FOXO3: variants seen among roughly 807,000 people sequenced by gnomAD.
The protein encoded by FOXO3 is forkhead box protein O3.
FOXO3 carries 4 observed loss-of-function variants against 41.9 expected under a neutral mutation model. The ratio of observed to expected loss-of-function variants is 0.10; its 90% CI spans 0.05 to 0.22. FOXO3 has a LOEUF of 0.22. FOXO3 is among the 10% of genes least tolerant of loss of function. The pLI is 1.00. For synonymous variants in FOXO3, 318 were observed against 389.3 expected (o/e 0.82, Z 2.16); for missense variants, 534 against 906.8 (o/e 0.59, Z 5.28).
rs1389749728 is a variant in FOXO3, at chr6:108,664,923, A to G, written c.*34+34A>G. ...CGAATGCTATGGCATAAAAATAACA[A>G]TATGGGGATGAGGGGGGATCTCTGG... On this transcript the variant is annotated intron_variant, in intron 2 of 2. Transcript: ENST00000406360. The G allele has an allele frequency of 3.9e-6, 6 of 1,552,322 alleles. No individual in the cohort carries two copies. In the East Asian group the frequency reaches 1.1e-4, roughly 29 times the overall value.
intron 1 of FOXO3, among the ~76,000 whole-genome samples, chr6:108,659,204 C>T (rs775007172): frequency 2.0e-5 from 3 of 152,034 alleles, no homozygotes; most frequent in Non-Finnish European, 2.9e-5. Flanking sequence ...TTTTTAAAAT[C>T]TTAAAAAAAA....
At chr6:108,593,864 G>A (rs1776801543) in intron 1 of FOXO3, among the ~76,000 whole-genome samples, 1 of 151,254 alleles carries the variant, frequency 6.6e-6, no homozygotes, top group African/African-American at 2.5e-5. Context: ...TTACAGGCAT[G>A]TGCCACCACA....
At chr6:108,615,725 T>G (rs1055774435) in intron 1 of FOXO3, among the ~76,000 whole-genome samples, 1 of 152,076 alleles carries the variant, frequency 6.6e-6, no homozygotes, top group Non-Finnish European at 1.5e-5. Flanking sequence ...GACAATTTAG[T>G]ATTGTCCCCA....
intron 1 of FOXO3, among the ~76,000 whole-genome samples, chr6:108,637,422 C>T (rs995567246): frequency 2.6e-5 from 4 of 152,014 alleles, no homozygotes; most frequent in Non-Finnish European, 5.9e-5. Context: ...AAATCCAGCC[C>T]GTGGTTCTCC....
At chr6:108,664,939 G>A in intron 2 of FOXO3, 50 bp downstream of exon 2, 2 of 1,502,386 alleles carry the variant, frequency 1.3e-6, no homozygotes, top group South Asian at 1.3e-5. Context: ...GGATGAGGGG[G>A]GATCTCTGGG....
intron 2 of FOXO3, among the ~76,000 whole-genome samples, chr6:108,676,552 T>C (rs569563561): frequency 6.6e-6 from 1 of 152,268 alleles, no homozygotes; most frequent in African/African-American, 2.4e-5. Context: ...CTTAATCCGA[T>C]GTGTTTTTAA....
intron 1 of FOXO3, among the ~76,000 whole-genome samples, chr6:108,596,047 C>T (rs937898232): frequency 3.3e-5 from 5 of 152,044 alleles, no homozygotes; most frequent in African/African-American, 1.2e-4. Context: ...ATATTTTTTT[C>T]TTCCTGAAAT....
intron 1 of FOXO3, among the ~76,000 whole-genome samples, chr6:108,607,333 G>A (rs958718941): frequency 6.6e-5 from 10 of 151,646 alleles, no homozygotes; most frequent in Non-Finnish European, 1.2e-4. Context: ...CCTTTGGATC[G>A]CAGCTACTTG....
chr6:108,596,879 G>A (rs112130417), intron 1 of FOXO3, among the ~76,000 whole-genome samples: 4 of 152,256 alleles, frequency 2.6e-5, no homozygotes, highest in African/African-American at 9.6e-5. Context: ...CAGCTCAAAG[G>A]GATGCTTTTT....
At chr6:108,570,039 G>A (rs989446937) in intron 1 of FOXO3, among the ~76,000 whole-genome samples, 1 of 127,676 alleles carries the variant, frequency 7.8e-6, no homozygotes, top group African/African-American at 3.2e-5. Context: ...TCGCTCTGTC[G>A]CCTAGGCTGG....
At chr6:108,575,675 G>T (rs1176370802) in intron 1 of FOXO3, among the ~76,000 whole-genome samples, 1 of 152,118 alleles carries the variant, frequency 6.6e-6, no homozygotes, top group Non-Finnish European at 1.5e-5. Context: ...TTGGATACGG[G>T]TTTTTGTTGT....
chr6:108,598,616 G>T (rs1477356212), intron 1 of FOXO3, among the ~76,000 whole-genome samples: 1 of 152,130 alleles, frequency 6.6e-6, no homozygotes, highest in African/African-American at 2.4e-5. Flanking sequence ...AAGGTCTGGG[G>T]CTGTACAGAT....
intron 1 of FOXO3, among the ~76,000 whole-genome samples, chr6:108,601,283 G>GTGCTTT (rs1358410795): frequency 1.3e-5 from 2 of 151,566 alleles, no homozygotes; most frequent in Non-Finnish European, 2.9e-5. Context: ...AGGTGTCCTA[G>GTGCTTT]TGCTTTTTAA....
chr6:108,597,377 T>C (rs983101591), intron 1 of FOXO3, among the ~76,000 whole-genome samples: 1 of 152,238 alleles, frequency 6.6e-6, no homozygotes, highest in Non-Finnish European at 1.5e-5. Context: ...AAATTGCTTA[T>C]GATTCTGAAT....
intron 1 of FOXO3, among the ~76,000 whole-genome samples, chr6:108,623,174 C>T (rs995295317): frequency 4.6e-5 from 7 of 151,934 alleles, no homozygotes; most frequent in Non-Finnish European, 7.4e-5. Flanking sequence ...TGTGGTGATG[C>T]GCTAGGGATA....
At chr6:108,634,083 A>G (rs1386265189) in intron 1 of FOXO3, among the ~76,000 whole-genome samples, 2 of 152,140 alleles carry the variant, frequency 1.3e-5, no homozygotes, top group Non-Finnish European at 2.9e-5. Context: ...ATGTGGTTTC[A>G]TTTATTGGCT....
rs770221202 is a variant in FOXO3 at position 108,664,476 on chromosome 6, G to T, written c.1643G>T (p.Arg548Leu). 2 of 1,528,934 alleles carry T rather than the reference G, an allele frequency of 1.3e-6. No homozygotes were observed. Among genetic ancestry groups the T allele is most frequent in the Admixed American group, 1.7e-5 (1 of 59,618 alleles). 94.7% of individuals were successfully genotyped at this position (1,528,934 alleles called of 1,614,324 possible). A position where few individuals can be genotyped will look rare whatever the true frequency, so the allele number is the denominator to read the frequency against. Residue 548 changes from arginine to leucine, a missense_variant, in exon 2 of 3, where the codon CGT becomes CTT. Around this residue, in one of 8 missense-constraint regions of FOXO3, gnomAD observed 94 missense variants for 214.4 expected, o/e 0.44. Transcript: ENST00000406360. Reference sequence around the variant, plus strand: ...ACCCAGGGCGCTCTTGGTGGCAGCCGTGCCTTGTCGAATTCTGTCAGCAAC... The same window carrying T: ...ACCCAGGGCGCTCTTGGTGGCAGCCTTGCCTTGTCGAATTCTGTCAGCAAC... The part of the protein sequence containing the change: ...HQTQGALGGS[R>L]ALSNSVSNMG...
chr6:108,560,896 A>C (rs979445806), upstream of FOXO3: 7 of 1,127,866 alleles, frequency 6.2e-6, no homozygotes, highest in Admixed American at 4.4e-5. Flanking sequence ...TCGCGGCTCC[A>C]TCGCGGCCTG....
intron 1 of FOXO3, among the ~76,000 whole-genome samples, chr6:108,608,869 A>G: frequency 6.6e-6 from 1 of 152,224 alleles, no homozygotes; most frequent in Non-Finnish European, 1.5e-5. Context: ...AGAGTCCAGA[A>G]AACGGGCCCT....
Sources: allele counts gnomAD v4.1 joint callset (sites outside exome capture counted in the v4.1 genomes callset), GRCh38; gene constraint gnomAD v4.1.1; regional missense constraint gnomAD v4.1.1; transcripts MANE v1.5; gene names NCBI Gene and HGNC (gene_info 2026-07-23, HGNC 2026-07-21).